MAP3K5: variants seen among roughly 807,000 people sequenced by gnomAD.
MAP3K5 encodes the protein mitogen-activated protein kinase kinase kinase 5, also known as ASK-1.
A neutral mutation model predicts 158.7 loss-of-function variants in MAP3K5; 56 were observed. The ratio of observed to expected loss-of-function variants is 0.35; its 90% CI spans 0.28 to 0.44. The LOEUF (loss-of-function observed/expected upper bound fraction) is 0.44. Ranked by LOEUF, MAP3K5 falls within the 20% of genes least tolerant of loss-of-function variation. The pLI is 1.00. For synonymous variants in MAP3K5, 579 were observed against 601.7 expected, an observed-to-expected ratio of 0.96 and a Z score of 0.55; for missense variants, 1,294 against 1,674.8, an observed-to-expected ratio of 0.77 and a Z score of 3.97.
intron 25 of MAP3K5, among the ~76,000 whole-genome samples, chr6:136,569,594 G>A (rs961398168): frequency 6.6e-6 from 1 of 152,136 alleles, no homozygotes; most frequent in African/African-American, 2.4e-5. Context: ...GTCCTGCCTT[G>A]CTGGGCTGAA....
At chr6:136,582,080 C>T (rs1774905589) in intron 24 of MAP3K5, among the ~76,000 whole-genome samples, 1 of 150,092 alleles carries the variant, frequency 6.7e-6, no homozygotes, top group Non-Finnish European at 1.5e-5. Flanking sequence ...GAGACTCCAT[C>T]TCAAAAAAAA....
chr6:136,625,018 T>C (rs1397807750), intron 14 of MAP3K5, among the ~76,000 whole-genome samples: 3 of 152,176 alleles, frequency 2.0e-5, no homozygotes, highest in Non-Finnish European at 4.4e-5. Context: ...TAAAGGTGAC[T>C]GCAGAAGCTA....
At chr6:136,781,193 G>A (rs1001635198) in intron 1 of MAP3K5, among the ~76,000 whole-genome samples, 7 of 152,162 alleles carry the variant, frequency 4.6e-5, no homozygotes, top group South Asian at 2.1e-4. Flanking sequence ...TTGGTCTATC[G>A]CAGTCCATCT....
intron 25 of MAP3K5, among the ~76,000 whole-genome samples, chr6:136,570,581 TC>T (rs1351366254): frequency 2.0e-5 from 3 of 152,184 alleles, no homozygotes; most frequent in Non-Finnish European, 4.4e-5. Flanking sequence ...AACCAGAGTG[TC>T]CTTTTTCAAG....
rs759947051 is a variant in MAP3K5 at position 136,737,037 on chromosome 6, G to GTGTATATATATATATATATATA, written c.449-16449_449-16448insTATATATATATATATATATACA. On this transcript the variant is annotated intron_variant, in intron 1 of 29. Coordinates refer to ENST00000359015, the MANE Select transcript of MAP3K5 (RefSeq NM_005923.4). ...TAATTTTACATATATATATGTGTGT[G>GTGTATATATATATATATATATA]TATATATATATATATATATAAACTT... 8.4e-3 allele frequency among the ~76,000 whole-genome samples: 1,067 copies of GTGTATATATATATATATATATA among 126,704 alleles called. 36 individuals carry two copies. Among genetic ancestry groups the GTGTATATATATATATATATATA allele is most frequent in the African/African-American group, 0.038 (1,000 of 26,212 alleles). 83.1% of individuals were successfully genotyped at this position (126,704 alleles called of 152,430 possible).
chr6:136,609,844 A>G lies in MAP3K5; in HGVS notation c.2521+1438T>C, dbSNP rs528314197. ...ACAGTTTTGCCAGGCATGACATCCT[A>G]GATACTTAGGAGAGTGGGGTGGGTG... On this transcript the variant is annotated intron_variant, in intron 18 of 29. Coordinates refer to ENST00000359015, the MANE Select transcript of MAP3K5 (RefSeq NM_005923.4). This position sits in a 1 kb window ranked among gnomAD's most constrained non-coding sequence, Gnocchi z 4.4. Among the ~76,000 whole-genome samples, 22 of 151,212 alleles carry G rather than the reference A, an allele frequency of 1.5e-4. No individual in the cohort carries two copies. The highest frequency in any genetic ancestry group is 2.8e-4 in the Non-Finnish European group (19 of 67,810).
intron 8 of MAP3K5, among the ~76,000 whole-genome samples, chr6:136,668,390 A>G (rs932681921): frequency 6.6e-6 from 1 of 150,882 alleles, no homozygotes; most frequent in Admixed American, 6.6e-5. Context: ...TTTCCAAAAA[A>G]ATTTTTCTTT....
At position 136,697,378 on chromosome 6, in the gene MAP3K5, G is replaced by C. The variant is rs780553521; in HGVS notation, c.816C>G (p.Phe272Leu). ...KVAQASSSQY[F>L]RESILNDIRK... ...TGATGTCATTGAGTATAGATTCCCG[G>C]AAGTACTGGCTGGTAAAAACACACA... The change falls in exon 5 of 30, where the codon TTC (phenylalanine) becomes TTG (leucine). Residue 272 changes from phenylalanine to leucine, a missense_variant. Around this residue, in one of 5 missense-constraint regions of MAP3K5, gnomAD observed 690 missense variants for 870.5 expected, o/e 0.79. Transcript: ENST00000359015. The C allele has an allele frequency of 1.9e-6, 3 of 1,605,434 alleles. No homozygotes were observed. Among genetic ancestry groups the C allele is most frequent in the South Asian group, 1.1e-5 (1 of 89,838 alleles).
chr6:136,719,442 T>C (rs1781662316), intron 2 of MAP3K5, among the ~76,000 whole-genome samples: 1 of 152,168 alleles, frequency 6.6e-6, no homozygotes, highest in African/African-American at 2.4e-5. Flanking sequence ...GGGGCAAATC[T>C]CTTAGAACTG....
In MAP3K5 at chr6:136,733,993, A is replaced by G. The variant is rs989180700; in HGVS notation, c.449-13404T>C. The stretch of plus-strand genomic sequence containing the variant: ...CTCCAGACTTTGCCTATCCATTCAA[A>G]AATTTATGTTTTAATGTCATGGTAA... On this transcript the variant is annotated intron_variant, in intron 1 of 29. Transcript: ENST00000359015. 4.6e-5 allele frequency among the ~76,000 whole-genome samples: 7 copies of G among 152,304 alleles called. No individual in the cohort carries two copies. In the East Asian group the frequency reaches 1.4e-3, roughly 29 times the overall value.
intron 1 of MAP3K5, among the ~76,000 whole-genome samples, chr6:136,763,911 C>T (rs926392909): frequency 6.6e-6 from 1 of 152,150 alleles, no homozygotes; most frequent in Non-Finnish European, 1.5e-5. Flanking sequence ...CCATGTGATA[C>T]TCTGCACCAC....
At chr6:136,673,638 A>G (rs1015381210) in intron 7 of MAP3K5, among the ~76,000 whole-genome samples, 4 of 152,124 alleles carry the variant, frequency 2.6e-5, no homozygotes, top group East Asian at 1.9e-4. Flanking sequence ...TTAATTCAAC[A>G]AAGTGGAAAA....
intron 1 of MAP3K5, among the ~76,000 whole-genome samples, chr6:136,743,935 T>G (rs550366155): frequency 3.9e-4 from 59 of 152,262 alleles, no homozygotes; most frequent in African/African-American, 1.2e-3. Flanking sequence ...GAAGCCAGTA[T>G]GAAAAGGCTG....
chr6:136,669,586 T>C (rs928036350), intron 7 of MAP3K5, among the ~76,000 whole-genome samples, 191 bp from the exon 8 acceptor site: 1 of 152,066 alleles, frequency 6.6e-6, no homozygotes, highest in African/African-American at 2.4e-5. Context: ...GCTCTGTTGC[T>C]TTCCCCCGCT....
chr6:136,590,234 C>T (rs1342932163), intron 23 of MAP3K5, among the ~76,000 whole-genome samples: 2 of 152,202 alleles, frequency 1.3e-5, no homozygotes, highest in South Asian at 2.1e-4. Flanking sequence ...TCCTAGCCTC[C>T]AGAACCATGA....
At chr6:136,559,148 C>T (rs970548414) in intron 28 of MAP3K5, among the ~76,000 whole-genome samples, 4 of 151,988 alleles carry the variant, frequency 2.6e-5, no homozygotes, top group Admixed American at 6.5e-5. Flanking sequence ...GTCAGGAGTT[C>T]GAGACCAGCC....
At chr6:136,703,088 T>C (rs923028117) in intron 3 of MAP3K5, among the ~76,000 whole-genome samples, 3 of 152,086 alleles carry the variant, frequency 2.0e-5, no homozygotes, top group African/African-American at 7.2e-5. Context: ...TAAAGGTAAA[T>C]AGAAGTGTGT....
intron 9 of MAP3K5, among the ~76,000 whole-genome samples, 188 bp from the exon 10 acceptor site, chr6:136,656,648 A>G (rs7773303): frequency 0.024 from 3,696 of 151,770 alleles, 154 homozygotes; most frequent in African/African-American, 0.085. Context: ...ATGTTGAAAC[A>G]GAGTCTCGCT....
At chr6:136,718,029 T>C (rs1476995087) in intron 2 of MAP3K5, among the ~76,000 whole-genome samples, 1 of 152,156 alleles carries the variant, frequency 6.6e-6, no homozygotes, top group Non-Finnish European at 1.5e-5. Context: ...CTAACAATAA[T>C]GCTTAGCAGT....
Sources: gnomAD v4.1 joint callset for allele counts (sites outside exome capture counted in the v4.1 genomes callset) on GRCh38, gnomAD v4.1.1 for gene constraint, gnomAD v4.1.1 regional missense constraint, Gnocchi (gnomAD v3.1) non-coding constraint, MANE v1.5 for transcripts, NCBI Gene and HGNC (gene_info 2026-07-23, HGNC 2026-07-21) for gene names.